Variants in ZNF605 observed in about 807,000 individuals in gnomAD.
ZNF605 encodes the protein zinc finger protein 605.
In ZNF605, 9 loss-of-function variants were observed where a neutral mutation model predicts 7.9. The observed-to-expected ratio is 1.14, with a 90% confidence interval of 0.68 to 1.98. The LOEUF (loss-of-function observed/expected upper bound fraction) is 1.98, where lower values mean the gene tolerates loss of function less well. Ranked by LOEUF, ZNF605 falls within the 30% of genes most tolerant of loss-of-function variation. The pLI is 0.00. For missense variants in ZNF605, 673 were observed against 762.4 expected, an observed-to-expected ratio of 0.88 and a Z score of 1.38; for synonymous variants, 255 against 260.1, an observed-to-expected ratio of 0.98 and a Z score of 0.19.
intron 3 of ZNF605, among the ~76,000 whole-genome samples, chr12:132,934,023 G>C (rs888167656): frequency 6.6e-6 from 1 of 152,074 alleles, no homozygotes; most frequent in African/African-American, 2.4e-5. Context: ...TTGGGAGGCT[G>C]AGGTGGGCGG....
chr12:132,925,214 T>TC lies in ZNF605; in HGVS notation c.*158dup. On this transcript the variant is annotated 3_prime_UTR_variant, in exon 5 of 5. Transcript: ENST00000360187. ...TTACACTGTTTGCTTTTTAAAAACT[T>TC]CTCTTTCTAAATTCTGCTTAGTGAC... The TC allele has an allele frequency of 1.8e-6, 1 of 549,790 alleles. No individual in the cohort carries two copies. Among genetic ancestry groups the TC allele is most frequent in the Non-Finnish European group, 3.1e-6 (1 of 323,780 alleles). The allele number at this position is 549,790 out of a possible 1,614,324, so 34.1% of individuals were successfully genotyped here.
In ZNF605 at chr12:132,926,538, C is replaced by G; in HGVS notation, c.761G>C (p.Gly254Ala). 6.2e-7 allele frequency: 1 copy of G among 1,614,062 alleles called. No individual in the cohort carries two copies. The highest frequency in any genetic ancestry group is 8.5e-7 in the Non-Finnish European group (1 of 1,180,002). The change falls in exon 5 of 5, where the codon GGA (glycine) becomes GCA (alanine). Residue 254 changes from glycine to alanine, a missense_variant. Transcript: ENST00000360187. ...QRIHTGEKPYGCSECGKAFSR... is the reference protein window; with the variant it reads ...QRIHTGEKPYACSECGKAFSR... ...GAAGGCTTTTCCACATTCACTGCAT[C>G]CATACGGCTTCTCTCCAGTATGAAT...
chr12:132,935,483 G>A (rs932635202), intron 3 of ZNF605, among the ~76,000 whole-genome samples: 8 of 152,038 alleles, frequency 5.3e-5, no homozygotes, highest in Non-Finnish European at 1.0e-4. Context: ...ATGCATTCAG[G>A]CATCCGGCAG....
At chr12:132,943,354 A>C (rs1296667) in intron 3 of ZNF605, among the ~76,000 whole-genome samples, 1 of 149,656 alleles carries the variant, frequency 6.7e-6, no homozygotes, top group Non-Finnish European at 1.5e-5. Context: ...GCGAGACTCC[A>C]TCTCAAAAAA....
chr12:132,954,412 GA>G (rs1329689725), intron 1 of ZNF605, among the ~76,000 whole-genome samples: 4 of 1,190 alleles, frequency 3.4e-3, no homozygotes, highest in Non-Finnish European at 3.4e-3. Flanking sequence ...GTGGGGAGGG[GA>G]TGAGAAGGAT....
Position 132,926,843 on chromosome 12 carries a change from G to C in ZNF605, c.456C>G (p.Ser152Arg). The C allele has an allele frequency of 6.2e-7, 1 of 1,614,174 alleles. No homozygotes were observed. The highest frequency in any genetic ancestry group is 1.1e-5 in the South Asian group (1 of 91,086). ...YCDCSTCRKSSNEEPWLTANH... is the reference protein window; with the variant it reads ...YCDCSTCRKSRNEEPWLTANH... ...TAGCAGTGAGCCATGGCTCTTCGTT[G>C]CTGGATTTTCTACATGTACTGCAAT... is the stretch of plus-strand genomic sequence containing the variant. The change falls in exon 5 of 5, where the codon AGC (serine) becomes AGG (arginine). Residue 152 changes from serine to arginine, a missense_variant. By Grantham distance (110) the Ser-to-Arg change is moderately radical. Coordinates refer to ENST00000360187, the MANE Select transcript of ZNF605 (RefSeq NM_183238.4).
chr12:132,953,415 C>A (rs2137169619), intron 1 of ZNF605, among the ~76,000 whole-genome samples: 1 of 152,278 alleles, frequency 6.6e-6, no homozygotes, highest in Admixed American at 6.5e-5. Flanking sequence ...CACAGATACC[C>A]AAAGGCCACT....
chr12:132,951,348 C>T (rs1309721772), intron 1 of ZNF605, among the ~76,000 whole-genome samples: 1 of 151,028 alleles, frequency 6.6e-6, no homozygotes, highest in Admixed American at 6.6e-5. Context: ...CACACAGACA[C>T]GTACACACAG....
intron 1 of ZNF605, among the ~76,000 whole-genome samples, chr12:132,954,974 G>A (rs1952620303): frequency 6.6e-6 from 1 of 152,122 alleles, no homozygotes; most frequent in Non-Finnish European, 1.5e-5. Context: ...GCCAGCATAG[G>A]CCACCCCATA....
At position 132,920,284 on chromosome 12, in the gene ZNF605, C is replaced by CTT. The variant is rs1388000648; in HGVS notation, c.*5088_*5089insAA. The stretch of plus-strand genomic sequence containing the variant: ...CCTCCTGAGTAGCTGGGACTACAGG[C>CTT]GCTGGCCACCTCACCTGGCTAATTT... On this transcript the variant is annotated 3_prime_UTR_variant, in exon 5 of 5. Transcript: ENST00000360187. 1 of 152,390 alleles carries CTT rather than the reference C, an allele frequency of 6.6e-6. No individual in the cohort carries two copies. Among genetic ancestry groups the CTT allele is most frequent in the Non-Finnish European group, 1.5e-5 (1 of 68,292 alleles). The allele number at this position is 152,390 out of a possible 1,614,324, so 9.4% of individuals were successfully genotyped here.
intron 1 of ZNF605, among the ~76,000 whole-genome samples, chr12:132,955,260 A>T (rs1952624653): frequency 6.6e-6 from 1 of 152,204 alleles, no homozygotes; most frequent in African/African-American, 2.4e-5. Flanking sequence ...AGGCCTGGCC[A>T]AGCGAGGTGG....
chr12:132,951,863 TCACACTCATACACACATA>T (rs61765954), intron 1 of ZNF605, among the ~76,000 whole-genome samples: 2,781 of 151,064 alleles, frequency 0.018, 89 homozygotes, highest in African/African-American at 0.063. Context: ...CACACTATAC[TCACACTCATACACACATA>T]CACACTCATA....
intron 3 of ZNF605, among the ~76,000 whole-genome samples, chr12:132,934,722 A>G (rs73157102): frequency 0.062 from 8,389 of 135,888 alleles, 808 homozygotes; most frequent in African/African-American, 0.16. Flanking sequence ...AAAAAAAAAA[A>G]GATTCCAGGA....
At chr12:132,940,659 C>A (rs935820138) in intron 3 of ZNF605, among the ~76,000 whole-genome samples, 5 of 152,164 alleles carry the variant, frequency 3.3e-5, no homozygotes, top group Non-Finnish European at 5.9e-5. Flanking sequence ...ATGGCTAGTT[C>A]CCTGGCCATT....
At chr12:132,939,503 T>A (rs1231555095) in intron 3 of ZNF605, among the ~76,000 whole-genome samples, 1 of 152,070 alleles carries the variant, frequency 6.6e-6, no homozygotes, top group Non-Finnish European at 1.5e-5. Context: ...GCTGCTCTGG[T>A]GGGGCCTTGG....
At chr12:132,947,007 TG>T in intron 2 of ZNF605, among the ~76,000 whole-genome samples, 1 of 28,930 alleles carries the variant, frequency 3.5e-5, no homozygotes, top group East Asian at 9.5e-4. Flanking sequence ...TTCACCCCCT[TG>T]TTTTTTTTTG....
chr12:132,951,416 CAG>C (rs1488438190), intron 1 of ZNF605, among the ~76,000 whole-genome samples: 2 of 151,620 alleles, frequency 1.3e-5, no homozygotes, highest in Non-Finnish European at 2.9e-5. Context: ...CACACACTCA[CAG>C]ACACGTACAC....
intron 2 of ZNF605, among the ~76,000 whole-genome samples, chr12:132,947,315 A>G (rs111686086): frequency 0.032 from 4,544 of 140,744 alleles, 198 homozygotes; most frequent in African/African-American, 0.1. Flanking sequence ...ACGCCCGGCC[A>G]CATTTTTTTC....
At chr12:132,934,431 T>C (rs1952340343) in intron 3 of ZNF605, among the ~76,000 whole-genome samples, 1 of 151,214 alleles carries the variant, frequency 6.6e-6, no homozygotes, top group African/African-American at 2.4e-5. Context: ...ACCATCTGGG[T>C]GTGGTGGCTC....
Sources: allele counts gnomAD v4.1 joint callset (sites outside exome capture counted in the v4.1 genomes callset), GRCh38; gene constraint gnomAD v4.1.1; transcripts MANE v1.5; gene names NCBI Gene and HGNC (gene_info 2026-07-23, HGNC 2026-07-21).